PDZD2: variants seen among roughly 807,000 people sequenced by gnomAD.
PDZD2 encodes the protein PDZ domain-containing protein 2.
Under a neutral mutation model 220.7 loss-of-function variants are expected in PDZD2, and 90 were observed. The observed-to-expected ratio is 0.41, with a 90% CI of 0.34 to 0.49. PDZD2 has a LOEUF of 0.49. Among genes scored for constraint, PDZD2 ranks in the 20% least tolerant of loss-of-function variants. PDZD2 has a pLI of 0.28. For synonymous variants in PDZD2, 1,375 were observed against 1,450.5 expected (o/e 0.95, Z 1.18); for missense variants, 3,174 against 3,608.5 (o/e 0.88, Z 3.08).
intron 2 of PDZD2, among the ~76,000 whole-genome samples, chr5:31,836,227 G>C (rs1756933673): frequency 1.6e-5 from 1 of 63,110 alleles, no homozygotes; most frequent in Admixed American, 1.5e-4. Flanking sequence ...AATTTTATTG[G>C]CTTTTTTTTT....
rs193219168 is a variant in PDZD2, at chr5:31,751,072, G to C, written c.-360-47817G>C. Among the ~76,000 whole-genome samples the C allele has an allele frequency of 3.7e-3, 567 of 152,100 alleles. 2 individuals are homozygous for C. The highest frequency in any genetic ancestry group is 0.011 in the South Asian group (53 of 4,804). On this transcript the variant is annotated intron_variant, in intron 1 of 24. Transcript: ENST00000438447. ...AGCCTGGCCAATGTGGTGAAACCCT[G>C]TCTCTACTAAAAATACAAAAGTACC...
intron 24 of PDZD2, among the ~76,000 whole-genome samples, chr5:32,105,323 A>C (rs1284122786): frequency 3.3e-5 from 5 of 152,210 alleles, no homozygotes; most frequent in African/African-American, 1.2e-4. Flanking sequence ...AAAATTAGAA[A>C]TATTATAAAT....
intron 1 of PDZD2, among the ~76,000 whole-genome samples, chr5:31,653,975 G>A (rs972958538): frequency 7.2e-5 from 11 of 152,076 alleles, no homozygotes; most frequent in Admixed American, 1.3e-4. Flanking sequence ...TAGTAGAGAC[G>A]GGGTTTCACC....
In PDZD2 at chr5:31,799,551, G is replaced by T. The variant is rs570880377; in HGVS notation, c.303G>T (p.Arg101Ser). The change falls in exon 2 of 25, where the codon AGG (arginine) becomes AGT (serine). Residue 101 changes from arginine (R) to serine (S), a missense_variant. Arg to Ser is a moderately radical substitution (Grantham distance 110). Coordinates refer to ENST00000438447, the MANE Select transcript of PDZD2 (RefSeq NM_178140.4). ...TCGGGGACTATGGTGAAAAGCGCAG[G>T]GGGGGCAAGAAGAGGAAAACCCACC... ...PVFGDYGEKR[R>S]GGKKRKTHQG... 12 of 1,614,006 alleles carry T rather than the reference G, an allele frequency of 7.4e-6. No homozygotes were observed. Among genetic ancestry groups the T allele is most frequent in the African/African-American group, 2.7e-5 (2 of 74,922 alleles).
At chr5:32,081,887 G>T (rs1741990079) in intron 19 of PDZD2, among the ~76,000 whole-genome samples, 1 of 150,530 alleles carries the variant, frequency 6.6e-6, no homozygotes, top group Non-Finnish European at 1.5e-5. Flanking sequence ...ACGCCCAGCT[G>T]ATTTTTTTGT....
intron 1 of PDZD2, among the ~76,000 whole-genome samples, chr5:31,732,307 C>A (rs767644941): frequency 2.0e-5 from 3 of 152,176 alleles, no homozygotes; most frequent in Non-Finnish European, 2.9e-5. Context: ...CTGAGGGGTC[C>A]CTGACCACAT....
intron 7 of PDZD2, among the ~76,000 whole-genome samples, chr5:32,044,115 G>T (rs1382321241): frequency 6.6e-6 from 1 of 151,764 alleles, no homozygotes; most frequent in African/African-American, 2.4e-5. Flanking sequence ...GATCACCTGA[G>T]GTCAGGAGTT....
rs1336359882 is a variant in PDZD2 at position 31,783,918 on chromosome 5, G to T, written c.-360-14971G>T. On this transcript the variant is annotated intron_variant, in intron 1 of 24. Transcript: ENST00000438447. The stretch of plus-strand genomic sequence containing the variant: ...TTCCAATCTGCAGGGAGTTTTTGCC[G>T]AGTGACGTCATGGACACATAGTGCT... 2.7e-4 allele frequency among the ~76,000 whole-genome samples: 41 copies of T among 152,114 alleles called. 1 individual carries two copies. Among genetic ancestry groups the T allele is most frequent in the Non-Finnish European group, 4.4e-5 (3 of 68,026 alleles).
chr5:31,673,962 C>T (rs1372074482), intron 1 of PDZD2, among the ~76,000 whole-genome samples: 3 of 152,250 alleles, frequency 2.0e-5, no homozygotes, highest in Middle Eastern at 3.4e-3. Context: ...CAGAGCAAGA[C>T]TCCGTATCAA....
Position 31,646,598 on chromosome 5 carries a change from C to T in PDZD2, c.-361+7161C>T, listed in dbSNP as rs1247106700. Among the ~76,000 whole-genome samples the T allele has an allele frequency of 6.6e-6, 1 of 152,120 alleles. No individual in the cohort carries two copies. The highest frequency in any genetic ancestry group is 1.9e-4 in the East Asian group (1 of 5,184). On this transcript the variant is annotated intron_variant, in intron 1 of 24. Coordinates refer to ENST00000438447, the MANE Select transcript of PDZD2 (RefSeq NM_178140.4). This position sits in a 1 kb window ranked among gnomAD's most constrained non-coding sequence, Gnocchi z 4.7. ...CAGCTGTGTTTTCAGTTGAACACCC[C>T]CCACCACCCGCCCAACACCCTCTTT...
chr5:31,689,652 G>A (rs189651238), intron 1 of PDZD2, among the ~76,000 whole-genome samples: 2 of 152,082 alleles, frequency 1.3e-5, no homozygotes, highest in Admixed American at 6.6e-5. Flanking sequence ...TGTCATGGCT[G>A]ATTGTATCCT....
chr5:31,963,529 C>A (rs1748439683), intron 2 of PDZD2, among the ~76,000 whole-genome samples: 1 of 152,158 alleles, frequency 6.6e-6, no homozygotes, highest in African/African-American at 2.4e-5. Context: ...AGCAGCCTAG[C>A]CTGCATGTTT....
At chr5:32,010,300 A>G (rs746049763) in intron 5 of PDZD2, 30 bp from the exon 6 acceptor site, 2 of 1,563,172 alleles carry the variant, frequency 1.3e-6, no homozygotes, top group Non-Finnish European at 8.7e-7. Context: ...GGAGTAATTC[A>G]TGGATGGGCC....
At chr5:31,708,071 T>C (rs1193359325) in intron 1 of PDZD2, among the ~76,000 whole-genome samples, 1 of 152,174 alleles carries the variant, frequency 6.6e-6, no homozygotes, top group East Asian at 1.9e-4. Context: ...TACGTAATAA[T>C]ACTAGGTTGG....
At position 31,854,931 on chromosome 5, in the gene PDZD2, A is replaced by C. The variant is rs191020071; in HGVS notation, c.476+55207A>C. On this transcript the variant is annotated intron_variant, in intron 2 of 24. Transcript: ENST00000438447. ...GGAGGGAGGAGGGGGGGGTCCTCCC[A>C]CAGACCTGGAGCCGGCGGAGAGCAG... 8.3e-5 allele frequency: 81 copies of C among 979,954 alleles called. No individual in the cohort carries two copies. The African/African-American group carries it at 1.3e-3, about 16-fold the overall frequency. 60.7% of individuals were successfully genotyped at this position (979,954 alleles called of 1,614,324 possible). A position where few individuals can be genotyped will look rare whatever the true frequency, so the allele number is the denominator to read the frequency against.
intron 2 of PDZD2, among the ~76,000 whole-genome samples, chr5:31,841,523 A>C (rs995981865): frequency 1.4e-4 from 22 of 152,140 alleles, no homozygotes; most frequent in Non-Finnish European, 2.5e-4. Flanking sequence ...AAATACAAAA[A>C]TTAGCCAGAC....
intron 2 of PDZD2, among the ~76,000 whole-genome samples, chr5:31,873,739 C>CTTTTT (rs112360135): frequency 3.4e-5 from 5 of 145,174 alleles, no homozygotes; most frequent in South Asian, 4.4e-4. Flanking sequence ...AGTCTTGAGT[C>CTTTTT]TTTTTTTTTT....
intron 1 of PDZD2, among the ~76,000 whole-genome samples, chr5:31,713,523 C>T (rs1035753750): frequency 1.3e-5 from 2 of 152,166 alleles, no homozygotes; most frequent in East Asian, 1.9e-4. Flanking sequence ...TGATCCCTAA[C>T]GTTGGGCCTA....
chr5:31,858,017 G>T (rs1325682962), intron 2 of PDZD2, among the ~76,000 whole-genome samples: 1 of 152,114 alleles, frequency 6.6e-6, no homozygotes, highest in Admixed American at 6.6e-5. Flanking sequence ...GTAGAGACGG[G>T]ATTTCACTGT....
Sources: gnomAD v4.1 joint callset for allele counts (sites outside exome capture counted in the v4.1 genomes callset) on GRCh38, gnomAD v4.1.1 for gene constraint, Gnocchi (gnomAD v3.1) non-coding constraint, MANE v1.5 for transcripts, NCBI Gene and HGNC (gene_info 2026-07-23, HGNC 2026-07-21) for gene names.